The following RGS3 variants were observed in gnomAD, a reference collection of about 807,000 sequenced individuals.
RGS3 encodes regulator of G protein signaling 3.
RGS3 carries 80 observed loss-of-function variants against 132.6 expected under a neutral mutation model. The observed-to-expected ratio is 0.60, with a 90% CI of 0.50 to 0.73. The LOEUF (loss-of-function observed/expected upper bound fraction) is 0.73, where lower values mean the gene tolerates loss of function less well. Ranked by LOEUF, RGS3 falls within the 30% of genes least tolerant of loss-of-function variation. The pLI is 0.00. For synonymous variants in RGS3, 598 were observed against 620.6 expected (o/e 0.96, Z 0.54); for missense variants, 1,382 against 1,530.8 (o/e 0.90, Z 1.62).
chr9:113,512,972 G>A lies in RGS3; in HGVS notation c.1478-1486G>A, dbSNP rs992176278. Among the ~76,000 whole-genome samples the A allele has an allele frequency of 5.9e-5, 9 of 152,178 alleles. No individual in the cohort carries two copies. In the South Asian group the frequency reaches 1.0e-3, roughly 18 times the overall value. ...AGCACTTTGGGAGGCTGAGGCGGGC[G>A]GATCACCTGAGGTTGGGAGTTCGAG... On this transcript the variant is annotated intron_variant, in intron 14 of 24. Coordinates refer to ENST00000350696, the Ensembl canonical transcript of RGS3.
chr9:113,470,559 A>C (rs567940367), intron 3 of RGS3, among the ~76,000 whole-genome samples: 46 of 152,340 alleles, frequency 3.0e-4, no homozygotes, highest in Non-Finnish European at 3.4e-4. Flanking sequence ...ATATTAACAT[A>C]GCTAACCATG....
At chr9:113,512,327 A>G (rs1334626436) in intron 14 of RGS3, among the ~76,000 whole-genome samples, 4 of 152,154 alleles carry the variant, frequency 2.6e-5, no homozygotes, top group Non-Finnish European at 4.4e-5. Flanking sequence ...ACAAGGAGCT[A>G]TGTGACATCT....
At chr9:113,534,143 A>T (rs1832585803) in intron 18 of RGS3, among the ~76,000 whole-genome samples, 1 of 152,200 alleles carries the variant, frequency 6.6e-6, no homozygotes, top group Non-Finnish European at 1.5e-5. Context: ...AGAAGTCCCT[A>T]GATATTATCA....
At chr9:113,452,906 T>A (rs1003662190) in intron 1 of RGS3, among the ~76,000 whole-genome samples, 1 of 137,284 alleles carries the variant, frequency 7.3e-6, no homozygotes, top group East Asian at 2.0e-4. Flanking sequence ...TATATAAATA[T>A]ATATTATATA....
At chr9:113,487,100 C>CTTTTT (rs60523804) in intron 7 of RGS3, among the ~76,000 whole-genome samples, 11 of 116,964 alleles carry the variant, frequency 9.4e-5, no homozygotes, top group Non-Finnish European at 1.4e-4. Flanking sequence ...TCATTTAATT[C>CTTTTT]TTTTTTTTTT....
At chr9:113,592,109 T>C (rs536703705) in intron 21 of RGS3, 1 of 152,486 alleles carries the variant, frequency 6.6e-6, no homozygotes, top group East Asian at 1.9e-4. Context: ...AATTGGGCTA[T>C]AGGGAGGAGC....
At chr9:113,516,361 CTT>C (rs555623581) in intron 15 of RGS3, among the ~76,000 whole-genome samples, 9 of 144,664 alleles carry the variant, frequency 6.2e-5, no homozygotes, top group Non-Finnish European at 4.6e-5. Context: ...CTTTCTTTTT[CTT>C]TTTTTTTTTT....
At chr9:113,562,443 C>CTG (rs1429305794) in intron 19 of RGS3, among the ~76,000 whole-genome samples, 1 of 147,772 alleles carries the variant, frequency 6.8e-6, no homozygotes, top group Non-Finnish European at 1.5e-5. Context: ...TGCCACTGCA[C>CTG]TCCAGCCTGG....
chr9:113,562,576 G>T (rs1388208334), intron 19 of RGS3, among the ~76,000 whole-genome samples: 2 of 152,050 alleles, frequency 1.3e-5, no homozygotes, highest in African/African-American at 2.4e-5. Context: ...GAGCAGTGCT[G>T]TCATGTGTCA....
intron 7 of RGS3, among the ~76,000 whole-genome samples, chr9:113,490,617 A>T (rs1237513993): frequency 8.3e-6 from 1 of 121,160 alleles, no homozygotes; most frequent in Non-Finnish European, 1.8e-5. Context: ...TATATGTATT[A>T]TATTTATACC....
At chr9:113,586,336 A>G (rs1227612278) in intron 20 of RGS3, among the ~76,000 whole-genome samples, 1 of 152,090 alleles carries the variant, frequency 6.6e-6, no homozygotes, top group African/African-American at 2.4e-5. Flanking sequence ...CTCCAATAAA[A>G]CTATTTATAT....
Position 113,463,703 on chromosome 9 carries a change from TC to T in RGS3, c.415+1505del. ...TTCCAACGCTTGGGGCAGCCCTACC[TC>T]CCGCTCGCGCTCCTCCCGCCCTGGA... On this transcript the variant is annotated intron_variant, in intron 3 of 24. Coordinates refer to ENST00000350696, the Ensembl canonical transcript of RGS3. The surrounding 1 kb of genome is among the most constrained non-coding windows in gnomAD (Gnocchi z 4.6). 1 of 1,420,200 alleles carries T rather than the reference TC, an allele frequency of 7.0e-7. No individual in the cohort carries two copies. Among genetic ancestry groups the T allele is most frequent in the Non-Finnish European group, 9.2e-7 (1 of 1,084,938 alleles). The allele number at this position is 1,420,200 out of a possible 1,614,324, so 88.0% of individuals were successfully genotyped here.
rs557871699 is a variant in RGS3, at chr9:113,573,634, C to T, written c.2038-9816C>T. ...CAGAAAACATCACAGAGAAGCCACA[C>T]GCTTCTAGCTCTCCCCACCTGGAAG... On this transcript the variant is annotated intron_variant, in intron 19 of 24. Transcript: ENST00000350696. Among the ~76,000 whole-genome samples, 5 of 152,352 alleles carry T rather than the reference C, an allele frequency of 3.3e-5. No individual in the cohort carries two copies. The South Asian group carries it at 6.2e-4, about 19-fold the overall frequency.
intron 1 of RGS3, among the ~76,000 whole-genome samples, chr9:113,447,338 T>TATATATATATATATATAC (rs1231604515): frequency 2.4e-5 from 2 of 84,250 alleles, no homozygotes; most frequent in Non-Finnish European, 5.1e-5. Flanking sequence ...TGTATATATA[T>TATATATATATATATATAC]ATATATATAT....
Position 113,494,046 on chromosome 9 carries a change from C to T in RGS3, c.690-1740C>T, listed in dbSNP as rs530737373. ...GGTTATGCTCCAGCCTAAATATCCA[C>T]GATGTTTCTTGATTAATAGTTATTA... is the stretch of plus-strand genomic sequence containing the variant. On this transcript the variant is annotated intron_variant, in intron 7 of 24. Coordinates refer to ENST00000350696, the Ensembl canonical transcript of RGS3. Among the ~76,000 whole-genome samples the T allele has an allele frequency of 4.6e-5, 7 of 152,096 alleles. No homozygotes were observed. The East Asian group carries it at 5.8e-4, about 13-fold the overall frequency.
intron 19 of RGS3, among the ~76,000 whole-genome samples, chr9:113,555,177 T>TA (rs1195970966): frequency 1.3e-5 from 2 of 152,224 alleles, no homozygotes; most frequent in Non-Finnish European, 2.9e-5. Context: ...AGGTTAGACT[T>TA]AATGACTTTA....
intron 5 of RGS3, among the ~76,000 whole-genome samples, chr9:113,483,920 C>T (rs1830241825): frequency 6.6e-6 from 1 of 152,170 alleles, no homozygotes; most frequent in African/African-American, 2.4e-5. Flanking sequence ...TTTGGTACCA[C>T]CCACCATGAG....
chr9:113,596,823 C>A (rs769779613), exon 25 of RGS3: 1 of 1,613,700 alleles, frequency 6.2e-7, no homozygotes, highest in Admixed American at 1.7e-5. Context: ...CAGAGCGTCA[C>A]GCGGGGCTGC....
rs773984530 is a variant in RGS3 at position 113,507,544 on chromosome 9, G to A, written c.1343G>A (p.Arg448His). Residue 448 changes from arginine to histidine, a missense_variant, in exon 13 of 25, where the codon CGC (arginine) becomes CAC (histidine). Physicochemically the swap from Arg to His is conservative, Grantham distance 29. Coordinates refer to ENST00000350696, the Ensembl canonical transcript of RGS3. The surrounding 1 kb of genome is among the most constrained non-coding windows in gnomAD (Gnocchi z 5.0). ...GAGCGCTACACCGAGGTGGCCAAGC[G>A]CGGGGGCCAGCACACCCTGCCTGCA... is the stretch of plus-strand genomic sequence containing the variant. 76 of 1,593,074 alleles carry A rather than the reference G, an allele frequency of 4.8e-5. 1 individual carries two copies. The highest frequency in any genetic ancestry group is 5.9e-5 in the Non-Finnish European group (69 of 1,169,018).
Sources: gnomAD v4.1 joint callset for allele counts (sites outside exome capture counted in the v4.1 genomes callset) on GRCh38, gnomAD v4.1.1 for gene constraint, Gnocchi (gnomAD v3.1) non-coding constraint, MANE v1.5 for transcripts, NCBI Gene and HGNC (gene_info 2026-07-23, HGNC 2026-07-21) for gene names.